The following C10orf67 variants were observed in gnomAD, a reference collection of about 807,000 sequenced individuals.
The protein encoded by C10orf67 is uncharacterized protein C10orf67, mitochondrial.
C10orf67 carries 60 observed loss-of-function variants against 35.6 expected under a neutral mutation model. The ratio of observed to expected loss-of-function variants is 1.68; its 90% CI spans 1.37 to 2.09. The LOEUF is 2.09. C10orf67 is among the 30% of genes most tolerant of loss of function. The pLI, the probability that C10orf67 is intolerant of heterozygous loss-of-function variation, is 0.00. For synonymous variants in C10orf67, 167 were observed against 115.8 expected (o/e 1.44, Z -2.84); for missense variants, 474 against 330.2 (o/e 1.44, Z -3.38).
intron 12 of C10orf67, among the ~76,000 whole-genome samples, chr10:23,249,966 C>T (rs1208884682): frequency 6.6e-6 from 1 of 152,078 alleles, no homozygotes; most frequent in East Asian, 1.9e-4. Flanking sequence ...ACAGTTTCTC[C>T]ATTTTGAAAA....
At chr10:23,240,074 C>G (rs1206697413) in intron 12 of C10orf67, among the ~76,000 whole-genome samples, 3 of 151,902 alleles carry the variant, frequency 2.0e-5, no homozygotes, top group African/African-American at 7.3e-5. Context: ...GCCTGTAGTC[C>G]CAGCAATTCA....
At chr10:23,297,271 C>CCTTTCCTTTCCTTTT (rs1843914964) in intron 5 of C10orf67, among the ~76,000 whole-genome samples, 1 of 148,446 alleles carries the variant, frequency 6.7e-6, no homozygotes. Flanking sequence ...CCTTTCCTTT[C>CCTTTCCTTTCCTTTT]TGATGACCCC....
chr10:23,218,369 A>C (rs985631379), intron 15 of C10orf67, among the ~76,000 whole-genome samples: 17 of 149,064 alleles, frequency 1.1e-4, no homozygotes, highest in African/African-American at 4.0e-4. Flanking sequence ...GTGGTTCTCA[A>C]ACCCCTGAGC....
intron 10 of C10orf67, among the ~76,000 whole-genome samples, chr10:23,263,949 A>G (rs562993420): frequency 8.1e-4 from 123 of 152,330 alleles, no homozygotes; most frequent in Non-Finnish European, 1.2e-3. Context: ...TCAGTTTATC[A>G]CTGTGTGCTC....
intron 2 of C10orf67, among the ~76,000 whole-genome samples, chr10:23,327,131 T>C (rs1845232575): frequency 1.3e-5 from 2 of 151,922 alleles, no homozygotes; most frequent in African/African-American, 4.8e-5. Context: ...TAGTTAATTA[T>C]TAGTAGAGGA....
intron 13 of C10orf67, among the ~76,000 whole-genome samples, chr10:23,224,643 G>A (rs908274295): frequency 3.3e-5 from 5 of 152,118 alleles, no homozygotes; most frequent in African/African-American, 4.8e-5. Context: ...AAGATGAGAC[G>A]AATGGCTAAC....
At chr10:23,271,344 GT>G (rs1485208954) in intron 8 of C10orf67, among the ~76,000 whole-genome samples, 1 of 152,294 alleles carries the variant, frequency 6.6e-6, no homozygotes, top group Non-Finnish European at 1.5e-5. Context: ...GGTGTTTCCA[GT>G]TTTTTGCTCT....
chr10:23,304,600 C>T (rs1185207647), intron 4 of C10orf67, among the ~76,000 whole-genome samples: 2 of 151,828 alleles, frequency 1.3e-5, no homozygotes, highest in African/African-American at 2.4e-5. Flanking sequence ...GCACACCTTT[C>T]TATGTCTCTG....
chr10:23,338,106 G>A (rs767046020), intron 1 of C10orf67, among the ~76,000 whole-genome samples: 25 of 152,146 alleles, frequency 1.6e-4, no homozygotes, highest in Non-Finnish European at 3.5e-4. Context: ...TTTGAAAATG[G>A]GCACAGACTG....
intron 1 of C10orf67, among the ~76,000 whole-genome samples, chr10:23,340,006 CTT>C (rs1845820818): frequency 6.6e-6 from 1 of 152,136 alleles, no homozygotes; most frequent in African/African-American, 2.4e-5. Flanking sequence ...TAAGCGGCTC[CTT>C]TTTACTATTC....
chr10:23,246,706 G>A (rs1842324290), intron 12 of C10orf67, among the ~76,000 whole-genome samples: 1 of 152,162 alleles, frequency 6.6e-6, no homozygotes, highest in African/African-American at 2.4e-5. Flanking sequence ...CTGACCCTGT[G>A]TAGGCTTAGG....
intron 13 of C10orf67, among the ~76,000 whole-genome samples, chr10:23,234,010 G>T (rs1841976940): frequency 6.6e-6 from 1 of 152,162 alleles, no homozygotes; most frequent in African/African-American, 2.4e-5. Flanking sequence ...AATAAATGAA[G>T]GTGAGATTTT....
At chr10:23,228,171 A>G (rs1841797110) in intron 13 of C10orf67, among the ~76,000 whole-genome samples, 2 of 152,116 alleles carry the variant, frequency 1.3e-5, no homozygotes, top group South Asian at 4.1e-4. Flanking sequence ...GAGGCATCAC[A>G]CTACCTGACT....
intron 2 of C10orf67, among the ~76,000 whole-genome samples, chr10:23,329,125 G>C (rs1285614236): frequency 1.3e-5 from 2 of 151,244 alleles, no homozygotes; most frequent in Non-Finnish European, 1.5e-5. Flanking sequence ...ACAATATAGA[G>C]GATTAATACA....
intron 13 of C10orf67, among the ~76,000 whole-genome samples, chr10:23,237,921 T>C (rs1259911086): frequency 6.6e-6 from 1 of 152,238 alleles, no homozygotes; most frequent in Non-Finnish European, 1.5e-5. Context: ...TAACCATATG[T>C]AAAATATACC....
At chr10:23,274,640 G>A (rs745510756) in intron 8 of C10orf67, among the ~76,000 whole-genome samples, 2 of 151,980 alleles carry the variant, frequency 1.3e-5, no homozygotes, top group East Asian at 3.9e-4. Flanking sequence ...CTGTTATCCT[G>A]TTCTTTTTCA....
At chr10:23,231,546 C>A (rs1490134495) in intron 13 of C10orf67, among the ~76,000 whole-genome samples, 1 of 152,146 alleles carries the variant, frequency 6.6e-6, no homozygotes, top group African/African-American at 2.4e-5. Context: ...AATGAAGCAG[C>A]CTTCCATCTA....
intron 15 of C10orf67, among the ~76,000 whole-genome samples, chr10:23,216,049 G>T (rs1241094812): frequency 2.0e-5 from 3 of 152,084 alleles, no homozygotes; most frequent in African/African-American, 7.2e-5. Flanking sequence ...ACCAAAAAAG[G>T]GTGCCACTGA....
chr10:23,298,352 C>A (rs1843960605), intron 5 of C10orf67, among the ~76,000 whole-genome samples: 1 of 152,312 alleles, frequency 6.6e-6, no homozygotes, highest in African/African-American at 2.4e-5. Context: ...GCAAGCTCAT[C>A]CCTCAGACCT....
Sources: gnomAD v4.1 joint callset for allele counts (sites outside exome capture counted in the v4.1 genomes callset) on GRCh38, gnomAD v4.1.1 for gene constraint, MANE v1.5 for transcripts, NCBI Gene and HGNC (gene_info 2026-07-23, HGNC 2026-07-21) for gene names.